Variants in RABGAP1L observed in about 807,000 individuals in gnomAD.
The protein encoded by RABGAP1L is RAB GTPase activating protein 1 like, also known as rab GTPase-activating protein 1-like.
A neutral mutation model predicts 137.7 loss-of-function variants in RABGAP1L; 63 were observed. That is an observed-to-expected ratio of 0.46 (90% CI 0.37 to 0.56). The LOEUF is 0.56. Ranked by LOEUF, RABGAP1L falls within the 20% of genes least tolerant of loss-of-function variation. RABGAP1L has a pLI of 0.00. For synonymous variants in RABGAP1L, 431 were observed against 433.7 expected (o/e 0.99, Z 0.08); for missense variants, 1,095 against 1,244.0 (o/e 0.88, Z 1.80).
At chr1:174,927,064 C>T (rs1456965061) in intron 19 of RABGAP1L, among the ~76,000 whole-genome samples, 2 of 150,356 alleles carry the variant, frequency 1.3e-5, no homozygotes, top group Non-Finnish European at 3.0e-5. Flanking sequence ...CAGAATAAGA[C>T]TCCGTCTCAA....
rs1376363025 is a variant in RABGAP1L, at chr1:174,683,876, C to G, written c.1899+280C>G. On this transcript the variant is annotated intron_variant, in intron 15 of 25. Coordinates refer to ENST00000681986, the MANE Select transcript of RABGAP1L (RefSeq NM_001366446.1). ...GAATTAAAGAAGTCGGTATAACTGC[C>G]CAAATATCAGGACCTGGACCATTAA... Among the ~76,000 whole-genome samples, 3 of 152,034 alleles carry G rather than the reference C, an allele frequency of 2.0e-5. No homozygotes were observed. In the East Asian group the frequency reaches 5.8e-4, roughly 29 times the overall value.
At chr1:174,205,965 A>G (rs1222211698) in intron 1 of RABGAP1L, among the ~76,000 whole-genome samples, 1 of 152,256 alleles carries the variant, frequency 6.6e-6, no homozygotes, top group Non-Finnish European at 1.5e-5. Context: ...GCTAGGCCTC[A>G]GGAATGACTC....
At chr1:174,877,294 G>T in intron 19 of RABGAP1L, 1 of 909,012 alleles carries the variant, frequency 1.1e-6, no homozygotes, top group Non-Finnish European at 1.7e-6. Context: ...TTTCCTACTG[G>T]GGGTGAATTG....
At chr1:174,783,553 A>C (rs1407765280) in intron 18 of RABGAP1L, among the ~76,000 whole-genome samples, 1 of 152,144 alleles carries the variant, frequency 6.6e-6, no homozygotes, top group Non-Finnish European at 1.5e-5. Flanking sequence ...ATTCAAGTTA[A>C]TGCCTAATAC....
intron 10 of RABGAP1L, among the ~76,000 whole-genome samples, chr1:174,282,127 T>A (rs2148689985): frequency 6.6e-6 from 1 of 152,334 alleles, no homozygotes; most frequent in Admixed American, 6.5e-5. Context: ...AGCTGCTGTA[T>A]CTTTCTGTGG....
At chr1:174,653,141 C>G (rs1675679598) in intron 14 of RABGAP1L, among the ~76,000 whole-genome samples, 1 of 152,092 alleles carries the variant, frequency 6.6e-6, no homozygotes, top group Admixed American at 6.5e-5. Flanking sequence ...GGTGGACGCC[C>G]CTCCCCCAAC....
chr1:174,730,473 T>G (rs1682373131), intron 17 of RABGAP1L, among the ~76,000 whole-genome samples: 1 of 152,040 alleles, frequency 6.6e-6, no homozygotes, highest in Non-Finnish European at 1.5e-5. Context: ...AAAATAAAAG[T>G]CGGAAAAAAC....
chr1:174,848,959 G>C (rs1647647379), intron 19 of RABGAP1L, among the ~76,000 whole-genome samples: 1 of 151,948 alleles, frequency 6.6e-6, no homozygotes, highest in African/African-American at 2.4e-5. Context: ...GGTCTGAAAA[G>C]CGCAATATTC....
intron 18 of RABGAP1L, among the ~76,000 whole-genome samples, chr1:174,773,406 CT>C (rs1054308067): frequency 5.5e-4 from 84 of 152,286 alleles, no homozygotes; most frequent in African/African-American, 1.9e-3. Context: ...GTGGCTCTCA[CT>C]AAAAATTCCA....
At chr1:174,786,011 C>T (rs1239573054) in intron 18 of RABGAP1L, among the ~76,000 whole-genome samples, 1 of 152,174 alleles carries the variant, frequency 6.6e-6, no homozygotes, top group Non-Finnish European at 1.5e-5. Context: ...AGTTATTTGA[C>T]TAATGTGTGT....
At chr1:174,383,404 C>T (rs1451810050) in intron 12 of RABGAP1L, among the ~76,000 whole-genome samples, 1 of 151,852 alleles carries the variant, frequency 6.6e-6, no homozygotes, top group Non-Finnish European at 1.5e-5. Context: ...TGCCGCCTTG[C>T]AGTTTGATCT....
rs1291529995 is a variant in RABGAP1L, at chr1:174,301,993, T to A, written c.1324-2993T>A. On this transcript the variant is annotated intron_variant, in intron 10 of 25. Transcript: ENST00000681986. ...TGAAGGTGGGGTTTCACTGGGGACC[T>A]GCCCCTGTCTGCCTAGGATTTGTCT... is the stretch of plus-strand genomic sequence containing the variant. Among the ~76,000 whole-genome samples the A allele has an allele frequency of 1.1e-4, 17 of 152,180 alleles. 1 individual carries two copies. The highest frequency in any genetic ancestry group is 1.1e-3 in the Admixed American group (17 of 15,286).
At chr1:174,397,391 A>G (rs1349364088) in intron 13 of RABGAP1L, among the ~76,000 whole-genome samples, 1 of 152,046 alleles carries the variant, frequency 6.6e-6, no homozygotes, top group Admixed American at 6.6e-5. Flanking sequence ...TTCATTCTCA[A>G]TCACTTGCCT....
intron 13 of RABGAP1L, among the ~76,000 whole-genome samples, chr1:174,412,829 CA>C (rs1571683682): frequency 6.6e-6 from 1 of 152,206 alleles, no homozygotes; most frequent in East Asian, 1.9e-4. Context: ...ATGAAAAGTC[CA>C]CTGTTAGCCT....
At chr1:174,957,644 T>C (rs1668676959) in intron 20 of RABGAP1L, 95 bp downstream of exon 20, 6 of 1,150,818 alleles carry the variant, frequency 5.2e-6, no homozygotes, top group Non-Finnish European at 6.4e-6. Flanking sequence ...CTTGAACACC[T>C]GGCCTCAAGC....
chr1:174,749,870 A>T (rs1056635315), intron 17 of RABGAP1L, among the ~76,000 whole-genome samples: 3 of 151,812 alleles, frequency 2.0e-5, no homozygotes, highest in African/African-American at 7.3e-5. Flanking sequence ...ATGTTCAAGG[A>T]ATCTTTATTT....
At chr1:174,942,859 G>A (rs2149297095) in intron 19 of RABGAP1L, among the ~76,000 whole-genome samples, 2 of 152,256 alleles carry the variant, frequency 1.3e-5, no homozygotes, top group East Asian at 3.9e-4. Flanking sequence ...AAATATTGGT[G>A]CTTATACCTT....
At chr1:174,780,995 G>T (rs1371430367) in intron 18 of RABGAP1L, among the ~76,000 whole-genome samples, 2 of 151,980 alleles carry the variant, frequency 1.3e-5, no homozygotes. Flanking sequence ...TTGGTTCCAA[G>T]TCTTTGCTAT....
At chr1:174,763,111 G>A (rs1685365293) in intron 18 of RABGAP1L, among the ~76,000 whole-genome samples, 1 of 151,756 alleles carries the variant, frequency 6.6e-6, no homozygotes, top group Non-Finnish European at 1.5e-5. Flanking sequence ...CACCGTGCCT[G>A]GCCTCCTTTG....
Sources: allele counts gnomAD v4.1 joint callset (sites outside exome capture counted in the v4.1 genomes callset), GRCh38; gene constraint gnomAD v4.1.1; transcripts MANE v1.5; gene names NCBI Gene and HGNC (gene_info 2026-07-23, HGNC 2026-07-21).